The following RIN2 variants were observed in gnomAD, a reference collection of about 807,000 sequenced individuals.
The protein encoded by RIN2 is RAB5 interacting protein 2.
A neutral mutation model predicts 78.0 loss-of-function variants in RIN2; 36 were observed. That is an observed-to-expected ratio of 0.46 (90% confidence interval 0.35 to 0.61). The LOEUF is 0.61. RIN2 is among the 20% of genes least tolerant of loss of function. RIN2 has a pLI of 0.00. For missense variants in RIN2, 1,087 were observed against 1,159.7 expected (o/e 0.94, Z 0.91); for synonymous variants, 466 against 466.8 (o/e 1.00, Z 0.02).
chr20:19,848,130 T>C (rs1442585821), intron 2 of RIN2, among the ~76,000 whole-genome samples: 1 of 152,188 alleles, frequency 6.6e-6, no homozygotes, highest in Admixed American at 6.5e-5. Flanking sequence ...TGTTTCTTGA[T>C]CTTAATGCTA....
At chr20:19,835,573 G>A (rs896084142) in intron 2 of RIN2, among the ~76,000 whole-genome samples, 1 of 152,074 alleles carries the variant, frequency 6.6e-6, no homozygotes, top group Non-Finnish European at 1.5e-5. Context: ...CATTTAAAAA[G>A]CTATACTCTA....
At chr20:19,829,564 AC>A (rs1312475521) in intron 2 of RIN2, among the ~76,000 whole-genome samples, 1 of 152,070 alleles carries the variant, frequency 6.6e-6, no homozygotes, top group Non-Finnish European at 1.5e-5. Context: ...TCAAAAATCC[AC>A]TGTTGTGACT....
At chr20:19,909,752 T>C (rs2039381452) in intron 3 of RIN2, among the ~76,000 whole-genome samples, 1 of 152,226 alleles carries the variant, frequency 6.6e-6, no homozygotes, top group Non-Finnish European at 1.5e-5. Context: ...CAGAGCTAGT[T>C]TCAGGCCAGG....
chr20:19,895,846 C>T (rs1300768190), intron 3 of RIN2: 2 of 152,216 alleles, frequency 1.3e-5, no homozygotes, highest in Admixed American at 6.5e-5. Flanking sequence ...CTGGCTATAC[C>T]GAATAGATGA....
intron 2 of RIN2, among the ~76,000 whole-genome samples, chr20:19,885,318 C>T (rs2038147147): frequency 6.6e-6 from 1 of 152,070 alleles, no homozygotes; most frequent in Non-Finnish European, 1.5e-5. Context: ...GGAAAAAGTC[C>T]AAGAGCCGTA....
At chr20:19,789,189 C>T (rs1465260896) in intron 1 of RIN2, among the ~76,000 whole-genome samples, 2 of 152,092 alleles carry the variant, frequency 1.3e-5, no homozygotes, top group Non-Finnish European at 2.9e-5. Flanking sequence ...GAGTCTTTTC[C>T]ACAGATGGCG....
intron 1 of RIN2, among the ~76,000 whole-genome samples, chr20:19,759,853 ACT>A (rs374341285): frequency 4.0e-5 from 6 of 151,666 alleles, no homozygotes; most frequent in African/African-American, 7.3e-5. Flanking sequence ...ACAGAGTGAA[ACT>A]CTGTCTAAAA....
chr20:19,889,143 C>G, intron 2 of RIN2: 2 of 985,436 alleles, frequency 2.0e-6, no homozygotes, highest in Non-Finnish European at 2.4e-6. Context: ...TGACCTCACC[C>G]CCTTCCAGCA....
At chr20:19,947,260 G>A (rs555757901) in intron 4 of RIN2, among the ~76,000 whole-genome samples, 1 of 152,098 alleles carries the variant, frequency 6.6e-6, no homozygotes, top group Admixed American at 6.5e-5. Context: ...CAGCTACTCA[G>A]GAAGCTGAGG....
chr20:19,916,328 G>A (rs1300435175), intron 3 of RIN2, among the ~76,000 whole-genome samples: 1 of 152,210 alleles, frequency 6.6e-6, no homozygotes, highest in Non-Finnish European at 1.5e-5. Flanking sequence ...ATTTCTTTAA[G>A]AGTTTGGGGG....
chr20:19,990,187 T>G lies in RIN2; in HGVS notation c.1944T>G (p.Phe648Leu), dbSNP rs781432468. 6.2e-7 allele frequency: 1 copy of G among 1,608,966 alleles called. No individual in the cohort carries two copies. The highest frequency in any genetic ancestry group is 1.1e-5 in the South Asian group (1 of 89,738). The change falls in exon 10 of 13, where the codon TTT becomes TTG. Residue 648 changes from phenylalanine (F) to leucine (L), a missense_variant. By Grantham distance (22) the Phe-to-Leu change is conservative. This residue lies in a region of RIN2 where 97 missense variants were observed against 104.8 expected (regional missense o/e 0.93). Transcript: ENST00000255006. ...GGGTCTTCGCCCCGACCCCTGATTT[T>G]GTGGATGTGGAGAAAATCAAAGTCA... ...ELGVFAPTPDFVDVEKIKVKF... is the reference protein window; with the variant it reads ...ELGVFAPTPDLVDVEKIKVKF...
At position 19,882,486 on chromosome 20, in the gene RIN2, T is replaced by C. The variant is rs150879602; in HGVS notation, c.-36-7080T>C. Among the ~76,000 whole-genome samples, 367 of 152,274 alleles carry C rather than the reference T, an allele frequency of 2.4e-3. 1 individual carries two copies. Among genetic ancestry groups the C allele is most frequent in the African/African-American group, 8.6e-3 (357 of 41,572 alleles). Reference sequence around the variant, plus strand: ...CTCTAATGAAAAATAATCACCTACATAGACTCTTTTACCATCATGGACAGA... The same window carrying C: ...CTCTAATGAAAAATAATCACCTACACAGACTCTTTTACCATCATGGACAGA... On this transcript the variant is annotated intron_variant, in intron 2 of 12. Transcript: ENST00000255006.
intron 3 of RIN2, among the ~76,000 whole-genome samples, chr20:19,931,331 C>T (rs767711387): frequency 1.4e-4 from 21 of 151,986 alleles, no homozygotes; most frequent in Non-Finnish European, 2.6e-4. Flanking sequence ...TTTATAGAGA[C>T]GATCTCACTA....
At chr20:19,898,901 G>A (rs1046840466) in intron 3 of RIN2, among the ~76,000 whole-genome samples, 6 of 151,988 alleles carry the variant, frequency 3.9e-5, no homozygotes, top group African/African-American at 1.4e-4. Flanking sequence ...ATACAAACTG[G>A]AATTACAGAA....
At chr20:19,996,982 T>C (rs1210282096) in intron 12 of RIN2, 140 bp downstream of exon 12, 4 of 834,120 alleles carry the variant, frequency 4.8e-6, no homozygotes, top group East Asian at 5.4e-5. Context: ...CCTCTGGCCT[T>C]GTTACACTGA....
intron 4 of RIN2, among the ~76,000 whole-genome samples, chr20:19,943,510 C>T (rs150989853): frequency 5.9e-5 from 9 of 152,244 alleles, no homozygotes; most frequent in African/African-American, 2.2e-4. Flanking sequence ...AGCAGCCCTT[C>T]GCCATGGAGG....
chr20:19,863,738 A>C (rs1050696580), intron 2 of RIN2, among the ~76,000 whole-genome samples: 1 of 152,186 alleles, frequency 6.6e-6, no homozygotes, highest in Non-Finnish European at 1.5e-5. Context: ...AAACTTTGAC[A>C]GTATGTAAAG....
intron 11 of RIN2, among the ~76,000 whole-genome samples, chr20:19,994,663 G>C (rs150724570): frequency 1.3e-5 from 2 of 152,002 alleles, no homozygotes; most frequent in African/African-American, 2.4e-5. Flanking sequence ...ACAGTTCTCC[G>C]AGTCCTTGCT....
intron 3 of RIN2, among the ~76,000 whole-genome samples, chr20:19,926,278 A>G (rs2040216271): frequency 6.6e-6 from 1 of 152,146 alleles, no homozygotes; most frequent in Non-Finnish European, 1.5e-5. Flanking sequence ...GACATTTGTA[A>G]TTACAATTAA....
Sources: gnomAD v4.1 joint callset for allele counts (sites outside exome capture counted in the v4.1 genomes callset) on GRCh38, gnomAD v4.1.1 for gene constraint, gnomAD v4.1.1 regional missense constraint, MANE v1.5 for transcripts, NCBI Gene and HGNC (gene_info 2026-07-23, HGNC 2026-07-21) for gene names.